Variants in PHF6 observed in about 807,000 individuals in gnomAD.
The protein encoded by PHF6 is PHD-like zinc finger protein.
Under a neutral mutation model 34.0 loss-of-function variants are expected in PHF6, and 7 were observed. The ratio of observed to expected loss-of-function variants is 0.21; its 90% CI spans 0.12 to 0.39. The LOEUF (loss-of-function observed/expected upper bound fraction) is 0.39. PHF6 is among the 10% of genes least tolerant of loss of function. The probability of loss-of-function intolerance (pLI) is 1.00; values close to 1 mark genes in which losing one functional copy is unlikely to be tolerated. For synonymous variants in PHF6, 89 were observed against 88.4 expected (o/e 1.01, Z -0.04); for missense variants, 128 against 262.8 (o/e 0.49, Z 3.55).
chrX:134,400,822 T>C (rs2077399975), intron 5 of PHF6, among the ~76,000 whole-genome samples: 1 of 111,653 alleles, frequency 9.0e-6, no homozygotes, highest in Admixed American at 9.6e-5. Flanking sequence ...GGATCCTGTA[T>C]GTGCATAGAG....
chrX:134,385,074 T>C (rs1357643907), intron 3 of PHF6, among the ~76,000 whole-genome samples: 1 of 111,944 alleles, frequency 8.9e-6, no homozygotes, highest in Non-Finnish European at 1.9e-5. Flanking sequence ...TGGAAACCTT[T>C]CATGATTTCT....
rs763271908 is a variant in PHF6 at position 134,425,272 on chromosome X, G to A, written c.1040G>A (p.Arg347Gln). 8.3e-7 allele frequency: 1 copy of A among 1,210,889 alleles called. No individual in the cohort carries two copies. The highest frequency in any genetic ancestry group is 3.0e-5 in the East Asian group (1 of 33,794). The change falls in exon 10 of 11, where the codon CGA becomes CAA. Residue 347 changes from arginine to glutamine, a missense_variant. Physicochemically the swap from Arg to Gln is conservative, Grantham distance 43. Coordinates refer to ENST00000370803, the MANE Select transcript of PHF6 (RefSeq NM_001015877.2). ...EEDEERESKSRGKVEIDQQQL... is the reference protein window; with the variant it reads ...EEDEERESKSQGKVEIDQQQL... Reference sequence around the variant, plus strand: ...GATGAGGAACGAGAGAGTAAAAGCCGAGGAAAAGTAGAAATTGATCAGCAA... The same window carrying A: ...GATGAGGAACGAGAGAGTAAAAGCCAAGGAAAAGTAGAAATTGATCAGCAA...
rs1167707520 is a variant in PHF6, at chrX:134,413,673, T to C, written c.585+16T>C. The C allele has an allele frequency of 2.5e-6, 3 of 1,203,851 alleles. No homozygotes were observed. Among genetic ancestry groups the C allele is most frequent in the East Asian group, 3.0e-5 (1 of 33,764 alleles). ...TAGTTCCTATGTAAGTAAAAAAAAC[T>C]GTTGGATTCTTACTTTTGTTGCACC... On this transcript the variant is annotated intron_variant, in intron 6 of 10. Coordinates refer to ENST00000370803, the MANE Select transcript of PHF6 (RefSeq NM_001015877.2).
At chrX:134,381,754 G>C (rs1348198969) in intron 3 of PHF6, among the ~76,000 whole-genome samples, 1 of 110,890 alleles carries the variant, frequency 9.0e-6, no homozygotes, top group Non-Finnish European at 1.9e-5. Flanking sequence ...GCCTCCCAAA[G>C]TGCTGGGATT....
intron 3 of PHF6, among the ~76,000 whole-genome samples, chrX:134,382,566 C>CTTTTTTT (rs377670545): frequency 1.2e-5 from 1 of 84,639 alleles, no homozygotes. Flanking sequence ...AGCTATTCTT[C>CTTTTTTT]TTTTTTTTTT....
chrX:134,399,652 TAC>T (rs201158134), intron 5 of PHF6, among the ~76,000 whole-genome samples: 27 of 100,982 alleles, frequency 2.7e-4, no homozygotes, highest in Non-Finnish European at 3.6e-4. Flanking sequence ...ACCCCTAACA[TAC>T]ACACACACAC....
At chrX:134,414,357 A>G (rs1003416839) in intron 7 of PHF6, among the ~76,000 whole-genome samples, 4 of 111,870 alleles carry the variant, frequency 3.6e-5, no homozygotes, top group African/African-American at 1.3e-4. Context: ...CTATATTACA[A>G]TTATTCATTT....
At chrX:134,386,497 G>C (rs1297701994) in intron 3 of PHF6, among the ~76,000 whole-genome samples, 1 of 107,907 alleles carries the variant, frequency 9.3e-6, no homozygotes, top group African/African-American at 3.4e-5. Context: ...TGCAACCTCC[G>C]TCTCCCTGGT....
At position 134,398,182 on chromosome X, in the gene PHF6, C is replaced by T. The variant is rs191533132; in HGVS notation, c.418+4230C>T. On this transcript the variant is annotated intron_variant, in intron 5 of 10. Coordinates refer to ENST00000370803, the MANE Select transcript of PHF6 (RefSeq NM_001015877.2). ...CTCCAGTGAGGAGATGGCTTGAGGC[C>T]AGGAGTTTAAGACCAGCCTGGACAA... Among the ~76,000 whole-genome samples, 26 of 111,665 alleles carry T rather than the reference C, an allele frequency of 2.3e-4. No homozygotes were observed. The East Asian group carries it at 7.0e-3, about 30-fold the overall frequency.
At chrX:134,413,199 A>G (rs1266503386) in intron 5 of PHF6, among the ~76,000 whole-genome samples, 2 of 112,309 alleles carry the variant, frequency 1.8e-5, no homozygotes, top group African/African-American at 6.5e-5. Context: ...AAGTTACAGT[A>G]AGTGTATTTT....
chrX:134,412,254 CTCCCTCAAG>C (rs1484527900), intron 5 of PHF6, among the ~76,000 whole-genome samples: 2 of 112,071 alleles, frequency 1.8e-5, no homozygotes, highest in Non-Finnish European at 3.8e-5. Context: ...TTCCCCTTAA[CTCCCTCAAG>C]TCCCACCAGA....
chrX:134,397,357 A>T lies in PHF6; in HGVS notation c.418+3405A>T, dbSNP rs764410570. On this transcript the variant is annotated intron_variant, in intron 5 of 10. Coordinates refer to ENST00000370803, the MANE Select transcript of PHF6 (RefSeq NM_001015877.2). ...ATAAAATGATTCGAAACATATAAGA[A>T]AGCATTTCTGGGCTGGCACGGTGGC... Among the ~76,000 whole-genome samples the T allele has an allele frequency of 2.9e-4, 33 of 112,271 alleles. 1 individual carries two copies. In the South Asian group the frequency reaches 0.012, roughly 41 times the overall value.
intron 3 of PHF6, among the ~76,000 whole-genome samples, chrX:134,383,343 A>G (rs746338209): frequency 9.0e-6 from 1 of 111,632 alleles, no homozygotes; most frequent in African/African-American, 3.3e-5. Flanking sequence ...AACACTCTTC[A>G]GAGTTGAGAA....
At position 134,416,201 on chromosome X, in the gene PHF6, C is replaced by G. The variant is rs188269365; in HGVS notation, c.835-968C>G. Among the ~76,000 whole-genome samples, 234 of 110,613 alleles carry G rather than the reference C, an allele frequency of 2.1e-3. 1 individual carries two copies. Among genetic ancestry groups the G allele is most frequent in the African/African-American group, 7.3e-3 (222 of 30,354 alleles). ...TCATGAACTCCTGACCTCATGTGATCCACCCACCTCGGCTTCCCAAAGTGC... is the reference window on the plus strand; with the variant it reads ...TCATGAACTCCTGACCTCATGTGATGCACCCACCTCGGCTTCCCAAAGTGC... On this transcript the variant is annotated intron_variant, in intron 8 of 10. Coordinates refer to ENST00000370803, the MANE Select transcript of PHF6 (RefSeq NM_001015877.2).
chrX:134,396,598 CG>C (rs935512724), intron 5 of PHF6, among the ~76,000 whole-genome samples: 1 of 110,591 alleles, frequency 9.0e-6, no homozygotes, highest in South Asian at 3.8e-4. Flanking sequence ...GAACAATGGG[CG>C]GGGGGCTTGT....
intron 1 of PHF6, among the ~76,000 whole-genome samples, chrX:134,374,457 T>C (rs1022008716): frequency 8.9e-6 from 1 of 112,334 alleles, no homozygotes; most frequent in Admixed American, 9.4e-5. Context: ...GTACATCTTA[T>C]TCGTTTATTT....
chrX:134,389,507 G>A (rs746811471), intron 3 of PHF6, among the ~76,000 whole-genome samples: 8 of 111,519 alleles, frequency 7.2e-5, no homozygotes, highest in Admixed American at 2.9e-4. Flanking sequence ...CATTATTAGG[G>A]TATAACCAAC....
At chrX:134,418,218 T>A (rs1343622397) in intron 9 of PHF6, 1 of 111,241 alleles carries the variant, frequency 9.0e-6, no homozygotes, top group Non-Finnish European at 1.9e-5. Context: ...CTAGTGCTGG[T>A]GGTCCAGGTG....
At chrX:134,395,770 G>A (rs941081894) in intron 5 of PHF6, among the ~76,000 whole-genome samples, 1 of 111,873 alleles carries the variant, frequency 8.9e-6, no homozygotes, top group African/African-American at 3.2e-5. Flanking sequence ...TTCTGGACTC[G>A]AGATTAGTCC....
Sources: allele counts gnomAD v4.1 joint callset (sites outside exome capture counted in the v4.1 genomes callset), GRCh38; gene constraint gnomAD v4.1.1; transcripts MANE v1.5; gene names NCBI Gene and HGNC (gene_info 2026-07-23, HGNC 2026-07-21).